The following SNTB1 variants were observed in gnomAD, a reference collection of about 807,000 sequenced individuals.
SNTB1 encodes the protein syntrophin beta 1.
In SNTB1, 36 loss-of-function variants were observed where a neutral mutation model predicts 48.9. That is an observed-to-expected ratio of 0.74 (90% CI 0.56 to 0.97). SNTB1 has a LOEUF of 0.97. Among genes scored for constraint, SNTB1 ranks in the 50% least tolerant of loss-of-function variants. The pLI is 0.00. For missense variants in SNTB1, 786 were observed against 703.4 expected (o/e 1.12, Z -1.33); for synonymous variants, 299 against 294.6 (o/e 1.01, Z -0.15).
At chr8:120,610,198 G>A (rs766886959) in intron 3 of SNTB1, among the ~76,000 whole-genome samples, 47 of 152,090 alleles carry the variant, frequency 3.1e-4, no homozygotes, top group Non-Finnish European at 4.4e-4. Flanking sequence ...GTGCAGTGGC[G>A]TGATCTCGGC....
chr8:120,637,826 G>A, intron 2 of SNTB1: 2 of 294,774 alleles, frequency 6.8e-6, no homozygotes, highest in South Asian at 3.6e-5. Flanking sequence ...TCTGTCTCTT[G>A]CAAAAGGTTT....
intron 3 of SNTB1, among the ~76,000 whole-genome samples, chr8:120,617,280 C>A (rs7814782): frequency 0.38 from 57,976 of 151,810 alleles, 12,884 homozygotes; most frequent in African/African-American, 0.62. Flanking sequence ...TCTATAAAGC[C>A]CCAAGCAAAT....
rs148006966 is a variant in SNTB1 at position 120,634,108 on chromosome 8, G to A, written c.789-1457C>T. The stretch of plus-strand genomic sequence containing the variant: ...CTAGGCAACAACTAACCTGTTCTCC[G>A]TATCTGTAAATTTTAGACAGATACT... On this transcript the variant is annotated intron_variant, in intron 2 of 6. Transcript: ENST00000517992. Among the ~76,000 whole-genome samples, 21 of 151,842 alleles carry A rather than the reference G, an allele frequency of 1.4e-4. No individual in the cohort carries two copies. The South Asian group carries it at 1.9e-3, about 14-fold the overall frequency.
chr8:120,585,777 T>C (rs1816129765), intron 3 of SNTB1, among the ~76,000 whole-genome samples: 1 of 152,240 alleles, frequency 6.6e-6, no homozygotes, highest in South Asian at 2.1e-4. Context: ...AGGGCAGATG[T>C]TTGCAAGTTT....
At chr8:120,631,215 T>C (rs1432309953) in intron 3 of SNTB1, among the ~76,000 whole-genome samples, 1 of 152,156 alleles carries the variant, frequency 6.6e-6, no homozygotes, top group African/African-American at 2.4e-5. Context: ...ATATCAGCCA[T>C]CCAGATTTAT....
At chr8:120,645,645 G>A (rs1177979933) in intron 2 of SNTB1, among the ~76,000 whole-genome samples, 18 of 129,514 alleles carry the variant, frequency 1.4e-4, no homozygotes, top group African/African-American at 5.0e-4. Flanking sequence ...TTGGCAATGC[G>A]GGCTCTTTTT....
intron 1 of SNTB1, among the ~76,000 whole-genome samples, chr8:120,746,983 C>G (rs183675683): frequency 6.6e-6 from 1 of 151,948 alleles, no homozygotes; most frequent in East Asian, 1.9e-4. Flanking sequence ...ACATGCACAG[C>G]AACAACTGTT....
At chr8:120,657,242 G>A (rs1388017856) in intron 2 of SNTB1, among the ~76,000 whole-genome samples, 6 of 152,024 alleles carry the variant, frequency 3.9e-5, no homozygotes, top group Non-Finnish European at 7.4e-5. Flanking sequence ...CTCTTCTCTA[G>A]GCCCCAGTGT....
chr8:120,731,128 TATA>T (rs2129976825), intron 1 of SNTB1, among the ~76,000 whole-genome samples: 1 of 151,958 alleles, frequency 6.6e-6, no homozygotes, highest in Admixed American at 6.6e-5. Context: ...CTCAAAAAAG[TATA>T]ATAATAAAAA....
chr8:120,586,915 G>A (rs890150378), intron 3 of SNTB1, among the ~76,000 whole-genome samples: 1 of 152,076 alleles, frequency 6.6e-6, no homozygotes, highest in Non-Finnish European at 1.5e-5. Context: ...TTTTCCTCTA[G>A]GTAAGTTTTA....
chr8:120,762,341 G>A (rs1054214335), intron 1 of SNTB1, among the ~76,000 whole-genome samples: 5 of 152,112 alleles, frequency 3.3e-5, no homozygotes, highest in Non-Finnish European at 1.5e-5. Context: ...AAATAGGGTG[G>A]CGGTTCTGCA....
At chr8:120,646,561 T>G (rs200703415) in intron 2 of SNTB1, among the ~76,000 whole-genome samples, 3 of 151,500 alleles carry the variant, frequency 2.0e-5, no homozygotes, top group South Asian at 2.1e-4. Context: ...GCTGGATTCG[T>G]TTTGCCAGTA....
rs546809700 is a variant in SNTB1, at chr8:120,584,522, G to T, written c.997-9297C>A. Among the ~76,000 whole-genome samples, 3 of 148,660 alleles carry T rather than the reference G, an allele frequency of 2.0e-5. No homozygotes were observed. In the East Asian group the frequency reaches 6.0e-4, roughly 30 times the overall value. ...AGTTTAGGGAAAATGTAATATATTT[G>T]ATTTTGAGTCATTTAAAGCTGGTGG... On this transcript the variant is annotated intron_variant, in intron 3 of 6. Transcript: ENST00000517992.
At chr8:120,700,156 C>CGTGTGTGTGTGTGT (rs58077307) in intron 1 of SNTB1, among the ~76,000 whole-genome samples, 319 of 149,274 alleles carry the variant, frequency 2.1e-3, no homozygotes, top group African/African-American at 7.3e-3. Flanking sequence ...AAAAAAATTG[C>CGTGTGTGTGTGTGT]GTGTGTGTGT....
rs1220499517 is a variant in SNTB1 at position 120,740,826 on chromosome 8, A to T, written c.572-46918T>A. ...CATAAAATTGAAAAAGAAAAAGAAA[A>T]AACTTTAACACATTCTATTACCCAA... On this transcript the variant is annotated intron_variant, in intron 1 of 6. Coordinates refer to ENST00000517992, the MANE Select transcript of SNTB1 (RefSeq NM_021021.4). Among the ~76,000 whole-genome samples, 5 of 152,192 alleles carry T rather than the reference A, an allele frequency of 3.3e-5. No homozygotes were observed. In the East Asian group the frequency reaches 9.6e-4, roughly 29 times the overall value.
In SNTB1 at chr8:120,772,818, G is replaced by C. The variant is rs1026208783; in HGVS notation, c.571+38455C>G. 4.6e-5 allele frequency among the ~76,000 whole-genome samples: 7 copies of C among 152,176 alleles called. No individual in the cohort carries two copies. The East Asian group carries it at 9.7e-4, about 21-fold the overall frequency. Reference sequence around the variant, plus strand: ...CACAACACTCATTCAAGGCTGGAGGGGCCCTTGGAGAGAACAGAAAGAGAA... The same window carrying C: ...CACAACACTCATTCAAGGCTGGAGGCGCCCTTGGAGAGAACAGAAAGAGAA... On this transcript the variant is annotated intron_variant, in intron 1 of 6. Transcript: ENST00000517992.
intron 2 of SNTB1, among the ~76,000 whole-genome samples, chr8:120,640,750 AATTTTG>A (rs1817180110): frequency 6.6e-6 from 1 of 152,044 alleles, no homozygotes; most frequent in Non-Finnish European, 1.5e-5. Context: ...TGGTGGATAA[AATTTTG>A]ATGTGCTGCT....
chr8:120,648,456 G>C (rs1817342101), intron 2 of SNTB1, among the ~76,000 whole-genome samples: 1 of 151,372 alleles, frequency 6.6e-6, no homozygotes, highest in African/African-American at 2.4e-5. Flanking sequence ...GAAATTCTGG[G>C]TTGAAAATTC....
At chr8:120,544,194 C>T (rs372750685) in intron 5 of SNTB1, among the ~76,000 whole-genome samples, 22 of 152,246 alleles carry the variant, frequency 1.4e-4, no homozygotes, top group Admixed American at 2.6e-4. Flanking sequence ...TAAAGCTATA[C>T]CTTCAGATAT....
Sources: allele counts gnomAD v4.1 joint callset (sites outside exome capture counted in the v4.1 genomes callset), GRCh38; gene constraint gnomAD v4.1.1; transcripts MANE v1.5; gene names NCBI Gene and HGNC (gene_info 2026-07-23, HGNC 2026-07-21).